The following PTGER2 variants were observed in gnomAD, a reference collection of about 807,000 sequenced individuals.
PTGER2 encodes the protein prostaglandin E receptor 2.
A neutral mutation model predicts 26.2 loss-of-function variants in PTGER2; 22 were observed. The observed-to-expected ratio is 0.84, with a 90% CI of 0.60 to 1.20. The LOEUF is 1.20. PTGER2 is among the 50% of genes most tolerant of loss of function. PTGER2 has a pLI of 0.00. For missense variants in PTGER2, 458 were observed against 475.2 expected, an observed-to-expected ratio of 0.96 and a Z score of 0.34; for synonymous variants, 219 against 208.9, an observed-to-expected ratio of 1.05 and a Z score of -0.42.
At position 52,315,071 on chromosome 14, in the gene PTGER2, T is replaced by C. The variant is rs1474971156; in HGVS notation, c.523T>C (p.Tyr175His). ...LLFCSLPLLD[Y>H]GQYVQYCPGT... ...CTTCTGCTCGCTGCCGCTGCTGGAC[T>C]ATGGGCAGTACGTCCAGTACTGCCC... The change falls in exon 1 of 2, where the codon TAT becomes CAT. Residue 175 changes from tyrosine to histidine, a missense_variant. Transcript: ENST00000245457. 2.5e-6 allele frequency: 4 copies of C among 1,612,080 alleles called. No individual in the cohort carries two copies. The highest frequency in any genetic ancestry group is 3.4e-6 in the Non-Finnish European group (4 of 1,179,952).
chr14:52,326,456 G>A (rs2033951853), intron 1 of PTGER2, among the ~76,000 whole-genome samples: 1 of 152,220 alleles, frequency 6.6e-6, no homozygotes, highest in South Asian at 2.1e-4. Flanking sequence ...GATCTAAGTA[G>A]CTTACACATA....
At chr14:52,327,196 C>A (rs765353576) in intron 1 of PTGER2, 25 bp from the exon 2 acceptor site, 25 of 1,495,528 alleles carry the variant, frequency 1.7e-5, no homozygotes, top group Non-Finnish European at 1.9e-5. Context: ...AAACTAACAT[C>A]ATTTTTCCCC....
At chr14:52,320,408 C>A (rs2033883228) in intron 1 of PTGER2, among the ~76,000 whole-genome samples, 1 of 152,212 alleles carries the variant, frequency 6.6e-6, no homozygotes, top group South Asian at 2.1e-4. Context: ...AGTGGGTCCT[C>A]ACTGCTATCT....
intron 1 of PTGER2, among the ~76,000 whole-genome samples, chr14:52,320,836 C>T (rs571166680): frequency 4.0e-4 from 61 of 152,300 alleles, no homozygotes; most frequent in Admixed American, 1.9e-3. Context: ...GGCCAGGGAT[C>T]GGATAAGCAC....
Position 52,327,993 on chromosome 14 carries a change from T to C in PTGER2, c.*539T>C, listed in dbSNP as rs2033969810. 6.5e-6 allele frequency: 1 copy of C among 154,608 alleles called. No individual in the cohort carries two copies. The highest frequency in any genetic ancestry group is 6.4e-5 in the Admixed American group (1 of 15,618). The allele number at this position is 154,608 out of a possible 1,614,324, so 9.6% of individuals were successfully genotyped here. A position where few individuals can be genotyped will look rare whatever the true frequency, so the allele number is the denominator to read the frequency against. ...CACCTTTTACTGTGATGTTTGTGTA[T>C]GTGGGAGTACTCTCATCACTACAGT... is the stretch of plus-strand genomic sequence containing the variant. On this transcript the variant is annotated 3_prime_UTR_variant, in exon 2 of 2. Coordinates refer to ENST00000245457, the MANE Select transcript of PTGER2 (RefSeq NM_000956.4).
At chr14:52,326,114 C>G (rs562727590) in intron 1 of PTGER2, among the ~76,000 whole-genome samples, 36 of 152,298 alleles carry the variant, frequency 2.4e-4, no homozygotes, top group Admixed American at 1.9e-3. Context: ...TTATTCCATT[C>G]CTTCCAACCT....
intron 1 of PTGER2, among the ~76,000 whole-genome samples, chr14:52,321,391 T>A (rs572319416): frequency 1.3e-5 from 2 of 152,238 alleles, no homozygotes; most frequent in Non-Finnish European, 2.9e-5. Context: ...GAAAAACAAG[T>A]CCCAGAGAAA....
At position 52,327,274 on chromosome 14, in the gene PTGER2, A is replaced by C. The variant is rs762081144; in HGVS notation, c.897A>C (p.Gln299His). ...CCCGAAAGGAAAAATGGGACCTCCAAGCTCTTAGGTTTTTATCAATTAATT... is the reference window on the plus strand; with the variant it reads ...CCCGAAAGGAAAAATGGGACCTCCACGCTCTTAGGTTTTTATCAATTAATT... ...TSSRKEKWDLQALRFLSINSI... is the reference protein window; with the variant it reads ...TSSRKEKWDLHALRFLSINSI... Residue 299 changes from glutamine to histidine, a missense_variant, in exon 2 of 2, where the codon CAA becomes CAC. Gln to His is a conservative substitution (Grantham distance 24). Coordinates refer to ENST00000245457, the MANE Select transcript of PTGER2 (RefSeq NM_000956.4). 6.2e-7 allele frequency: 1 copy of C among 1,613,774 alleles called. No individual in the cohort carries two copies. Among genetic ancestry groups the C allele is most frequent in the Non-Finnish European group, 8.5e-7 (1 of 1,179,772 alleles).
chr14:52,315,523 T>C (rs1426852804), intron 1 of PTGER2, 132 bp downstream of exon 1: 1 of 1,241,962 alleles, frequency 8.1e-7, no homozygotes, highest in East Asian at 2.5e-5. Context: ...TTTGTAAAGA[T>C]CTGTAGCCTT....
At position 52,315,271 on chromosome 14, in the gene PTGER2, C is replaced by T; in HGVS notation, c.723C>T (p.Gly241=). Residue 241 remains glycine, a synonymous_variant, in exon 1 of 2, where the codon GGC becomes GGT. Transcript: ENST00000245457. ...GCTGCGGACCTTCCCTGGGCAGTGGCCGGGGCGGCCCCGGGGCCCGCAGGA... is the reference window on the plus strand; with the variant it reads ...GCTGCGGACCTTCCCTGGGCAGTGGTCGGGGCGGCCCCGGGGCCCGCAGGA... ...RSRCGPSLGS[G]RGGPGARRRG... is the part of the protein sequence containing the mutation. 6.2e-7 allele frequency: 1 copy of T among 1,613,234 alleles called. No homozygotes were observed.
chr14:52,315,284 G>C lies in PTGER2; in HGVS notation c.736G>C (p.Gly246Arg), dbSNP rs1165222048. Reference protein sequence around the residue: ...PSLGSGRGGPGARRRGERVSM... With the variant: ...PSLGSGRGGPRARRRGERVSM... ...CCTGGGCAGTGGCCGGGGCGGCCCCGGGGCCCGCAGGAGAGGGGAAAGGGT... is the reference window on the plus strand; with the variant it reads ...CCTGGGCAGTGGCCGGGGCGGCCCCCGGGCCCGCAGGAGAGGGGAAAGGGT... Residue 246 changes from glycine to arginine, a missense_variant, in exon 1 of 2, where the codon GGG (glycine) becomes CGG (arginine). Physicochemically the swap from Gly to Arg is moderately radical, Grantham distance 125 (BLOSUM62 -2). Coordinates refer to ENST00000245457, the MANE Select transcript of PTGER2 (RefSeq NM_000956.4). 1 of 1,612,244 alleles carries C rather than the reference G, an allele frequency of 6.2e-7. No individual in the cohort carries two copies. Among genetic ancestry groups the C allele is most frequent in the Non-Finnish European group, 8.5e-7 (1 of 1,179,608 alleles).
chr14:52,327,360 C>G lies in PTGER2; in HGVS notation c.983C>G (p.Ser328Ter), dbSNP rs1415162598. ...LRPPVLRLMR[S>*]VLCCRISLRT... ...CCTCCTGTTCTGAGACTAATGCGTT[C>G]AGTCCTCTGTTGTCGGATTTCATTA... The change falls in exon 2 of 2, where the codon TCA becomes TGA. Residue 328 changes from serine (S) to a stop codon, truncating the protein, a stop_gained. Coordinates refer to ENST00000245457, the MANE Select transcript of PTGER2 (RefSeq NM_000956.4). LOFTEE classifies it high-confidence loss of function. 1.9e-6 allele frequency: 3 copies of G among 1,613,438 alleles called. No individual in the cohort carries two copies. The African/African-American group carries it at 4.0e-5, about 22-fold the overall frequency.
chr14:52,319,839 C>A (rs760777444), intron 1 of PTGER2, among the ~76,000 whole-genome samples: 2 of 152,182 alleles, frequency 1.3e-5, no homozygotes, highest in African/African-American at 4.8e-5. Context: ...CTAAAAAGTT[C>A]TCCATCTTTA....
rs753407755 is a variant in PTGER2 at position 52,327,356 on chromosome 14, C to T, written c.979C>T (p.Arg327Cys). The T allele has an allele frequency of 1.9e-6, 3 of 1,613,138 alleles. No homozygotes were observed. Among genetic ancestry groups the T allele is most frequent in the Admixed American group, 1.7e-5 (1 of 60,000 alleles). Reference protein sequence around the residue: ...ILRPPVLRLMRSVLCCRISLR... With the variant: ...ILRPPVLRLMCSVLCCRISLR... ...TAGGCCTCCTGTTCTGAGACTAATG[C>T]GTTCAGTCCTCTGTTGTCGGATTTC... Residue 327 changes from arginine (R) to cysteine (C), a missense_variant, in exon 2 of 2, where the codon CGT becomes TGT. Transcript: ENST00000245457.
chr14:52,318,774 T>G (rs187230643), intron 1 of PTGER2, among the ~76,000 whole-genome samples: 304 of 152,288 alleles, frequency 2.0e-3, no homozygotes, highest in Non-Finnish European at 3.4e-3. Context: ...AAGATGCCAG[T>G]CTAGGGCTTC....
intron 1 of PTGER2, among the ~76,000 whole-genome samples, chr14:52,325,969 C>T (rs189476638): frequency 3.7e-4 from 57 of 152,296 alleles, no homozygotes; most frequent in African/African-American, 1.1e-3. Flanking sequence ...AAAAGAGGGG[C>T]TAGGTGTCTA....
intron 1 of PTGER2, among the ~76,000 whole-genome samples, chr14:52,319,127 T>C (rs1039501227): frequency 1.3e-5 from 2 of 152,226 alleles, no homozygotes; most frequent in African/African-American, 4.8e-5. Context: ...AATCTAAGAT[T>C]TCATAAAAGA....
intron 1 of PTGER2, among the ~76,000 whole-genome samples, chr14:52,320,270 G>A (rs1047493936): frequency 6.6e-6 from 1 of 152,098 alleles, no homozygotes; most frequent in African/African-American, 2.4e-5. Context: ...TTTCTCCTTT[G>A]CCATTTGATA....
At chr14:52,318,462 G>A (rs2033863014) in intron 1 of PTGER2, among the ~76,000 whole-genome samples, 1 of 152,176 alleles carries the variant, frequency 6.6e-6, no homozygotes, top group African/African-American at 2.4e-5. Flanking sequence ...TATTAGTTAT[G>A]TAAAATAATT....
Sources: gnomAD v4.1 joint callset for allele counts (sites outside exome capture counted in the v4.1 genomes callset) on GRCh38, gnomAD v4.1.1 for gene constraint, MANE v1.5 for transcripts, NCBI Gene and HGNC (gene_info 2026-07-23, HGNC 2026-07-21) for gene names.